Variants in RASL10B observed in about 807,000 individuals in gnomAD.
The protein encoded by RASL10B is ras-like protein family member 10B.
In RASL10B, 10 loss-of-function variants were observed where a neutral mutation model predicts 20.7. That is an observed-to-expected ratio of 0.48 (90% confidence interval 0.30 to 0.82). The LOEUF is 0.82. Ranked by LOEUF, RASL10B falls within the 40% of genes least tolerant of loss-of-function variation. RASL10B has a pLI of 0.07. For synonymous variants in RASL10B, 110 were observed against 123.3 expected, an observed-to-expected ratio of 0.89 and a Z score of 0.72; for missense variants, 231 against 295.4, an observed-to-expected ratio of 0.78 and a Z score of 1.60.
rs868908357 is a variant in RASL10B, at chr17:35,740,534, G to A, written c.341+1G>A. 6.2e-7 allele frequency: 1 copy of A among 1,613,168 alleles called. No individual in the cohort carries two copies. The highest frequency in any genetic ancestry group is 8.5e-7 in the Non-Finnish European group (1 of 1,179,596). On this transcript the variant is annotated splice_donor_variant, in intron 3 of 3. Coordinates refer to ENST00000603017, the MANE Select transcript of RASL10B (RefSeq NM_033315.4). LOFTEE classifies it high-confidence loss of function. ...TCCGCCAGCAGATCCTGGAGACGAGGTGAGAGGCTGGAACACAGTCCATTG... is the reference window on the plus strand; with the variant it reads ...TCCGCCAGCAGATCCTGGAGACGAGATGAGAGGCTGGAACACAGTCCATTG...
Position 35,735,516 on chromosome 17 carries a change from G to A in RASL10B, c.216+116G>A. Reference sequence around the variant, plus strand: ...GCCAGGGCCCCATCACTGAGTTTGGGAGCTCCACACTGCACCTTGGGCCAC... The same window carrying A: ...GCCAGGGCCCCATCACTGAGTTTGGAAGCTCCACACTGCACCTTGGGCCAC... On this transcript the variant is annotated intron_variant, in intron 2 of 3. Transcript: ENST00000603017. The surrounding 1 kb of genome is among the most constrained non-coding windows in gnomAD (Gnocchi z 6.7). 4.0e-6 allele frequency: 4 copies of A among 995,978 alleles called. No individual in the cohort carries two copies. Among genetic ancestry groups the A allele is most frequent in the Non-Finnish European group, 6.0e-6 (4 of 665,842 alleles). The allele number at this position is 995,978 out of a possible 1,614,324, so 61.7% of individuals were successfully genotyped here.
chr17:35,732,983 G>A (rs1422070708), intron 1 of RASL10B, among the ~76,000 whole-genome samples: 1 of 152,218 alleles, frequency 6.6e-6, no homozygotes, highest in Non-Finnish European at 1.5e-5. Flanking sequence ...GCCCATGTAA[G>A]TGTATAAACA....
Position 35,735,479 on chromosome 17 carries a change from T to G in RASL10B, c.216+79T>G, listed in dbSNP as rs761488786. On this transcript the variant is annotated intron_variant, in intron 2 of 3. Transcript: ENST00000603017. This position sits in a 1 kb window ranked among gnomAD's most constrained non-coding sequence, Gnocchi z 6.7. ...AGGCTGGATTCCAAACTGCTGTAGC[T>G]TGGGCCCTATTGCCAGGGCCCCATC... The G allele has an allele frequency of 2.1e-6, 3 of 1,416,466 alleles. No homozygotes were observed. The highest frequency in any genetic ancestry group is 2.0e-6 in the Non-Finnish European group (2 of 1,023,974). 87.7% of individuals were successfully genotyped at this position (1,416,466 alleles called of 1,614,324 possible). A position where few individuals can be genotyped will look rare whatever the true frequency, so the allele number is the denominator to read the frequency against.
chr17:35,735,202 GGTGGCC>G lies in RASL10B; in HGVS notation c.22_27del (p.Ala8_Val9del). On this transcript the variant is annotated inframe_deletion, in exon 2 of 4. Coordinates refer to ENST00000603017, the MANE Select transcript of RASL10B (RefSeq NM_033315.4). This position sits in a 1 kb window ranked among gnomAD's most constrained non-coding sequence, Gnocchi z 6.7. ...CGGGAGGCATGGTCTCCACCTACCG[GGTGGCC>G]GTGCTGGGGGCGCGAGGTGTGGGCA... 1 of 1,610,950 alleles carries G rather than the reference GGTGGCC, an allele frequency of 6.2e-7. No individual in the cohort carries two copies. Among genetic ancestry groups the G allele is most frequent in the South Asian group, 1.1e-5 (1 of 91,070 alleles).
chr17:35,735,189 T>G lies in RASL10B; in HGVS notation c.5T>G (p.Val2Gly). 1.9e-6 allele frequency: 3 copies of G among 1,609,052 alleles called. No individual in the cohort carries two copies. Among genetic ancestry groups the G allele is most frequent in the Non-Finnish European group, 2.5e-6 (3 of 1,179,220 alleles). Reference protein sequence around the residue: MVSTYRVAVLGA... With the variant: MGSTYRVAVLGA... ...TGGCGGAGTGGGGCGGGAGGCATGG[T>G]CTCCACCTACCGGGTGGCCGTGCTG... Residue 2 changes from valine (V) to glycine (G), a missense_variant, in exon 2 of 4, where the codon GTC becomes GGC. Physicochemically the swap from Val to Gly is moderately radical, Grantham distance 109. Transcript: ENST00000603017. The surrounding 1 kb of genome is among the most constrained non-coding windows in gnomAD (Gnocchi z 6.7).
chr17:35,742,989 C>G lies in RASL10B; in HGVS notation c.*1684C>G, dbSNP rs762289849. ...CCAAGTGGGGGGTAGCACAGCCTCA[C>G]AGCAACCGCCCTGACCTTGGGCAGT... On this transcript the variant is annotated 3_prime_UTR_variant, in exon 4 of 4. Coordinates refer to ENST00000603017, the MANE Select transcript of RASL10B (RefSeq NM_033315.4). The G allele has an allele frequency of 3.3e-5, 5 of 152,648 alleles. No individual in the cohort carries two copies. Among genetic ancestry groups the G allele is most frequent in the Non-Finnish European group, 7.3e-5 (5 of 68,068 alleles). The allele number at this position is 152,648 out of a possible 1,614,324, so 9.5% of individuals were successfully genotyped here.
At chr17:35,741,014 G>A in intron 3 of RASL10B, 21 bp from the exon 4 acceptor site, 1 of 1,570,978 alleles carries the variant, frequency 6.4e-7, no homozygotes, top group South Asian at 1.2e-5. Context: ...AGAGTTCTGA[G>A]CTGCCTGCCT....
chr17:35,741,148 A>T lies in RASL10B; in HGVS notation c.455A>T (p.Lys152Met). The T allele has an allele frequency of 3.1e-6, 5 of 1,613,540 alleles. No individual in the cohort carries two copies. The highest frequency in any genetic ancestry group is 4.2e-6 in the Non-Finnish European group (5 of 1,180,034). ...NVSHLVRKTW[K>M]CGYVECSAKY... ...TCGCACCTGGTACGCAAGACCTGGA[A>T]GTGCGGCTACGTGGAATGCTCGGCC... is the stretch of plus-strand genomic sequence containing the variant. The change falls in exon 4 of 4, where the codon AAG becomes ATG. Residue 152 changes from lysine to methionine, a missense_variant. Lys to Met is a moderately conservative substitution (Grantham distance 95). Coordinates refer to ENST00000603017, the MANE Select transcript of RASL10B (RefSeq NM_033315.4).
chr17:35,735,469 C>G lies in RASL10B; in HGVS notation c.216+69C>G, dbSNP rs2085585957. 29 of 1,509,866 alleles carry G rather than the reference C, an allele frequency of 1.9e-5. No individual in the cohort carries two copies. Among genetic ancestry groups the G allele is most frequent in the Non-Finnish European group, 2.1e-5 (23 of 1,098,088 alleles). The allele number at this position is 1,509,866 out of a possible 1,614,324, so 93.5% of individuals were successfully genotyped here. A position where few individuals can be genotyped will look rare whatever the true frequency, so the allele number is the denominator to read the frequency against. On this transcript the variant is annotated intron_variant, in intron 2 of 3. Transcript: ENST00000603017. This position sits in a 1 kb window ranked among gnomAD's most constrained non-coding sequence, Gnocchi z 6.7. ...GGTAGGGGAGAGGCTGGATTCCAAACTGCTGTAGCTTGGGCCCTATTGCCA... is the reference window on the plus strand; with the variant it reads ...GGTAGGGGAGAGGCTGGATTCCAAAGTGCTGTAGCTTGGGCCCTATTGCCA...
chr17:35,736,152 T>G (rs1203451826), intron 2 of RASL10B, among the ~76,000 whole-genome samples: 1 of 152,208 alleles, frequency 6.6e-6, no homozygotes, highest in Non-Finnish European at 1.5e-5. Flanking sequence ...CCTTCCCCAC[T>G]GCCTGCTGGA....
chr17:35,734,834 CAAG>C lies in RASL10B; in HGVS notation c.-147-201_-147-199del, dbSNP rs587722282. Among the ~76,000 whole-genome samples the C allele has an allele frequency of 2.8e-4, 43 of 152,116 alleles. No homozygotes were observed. The East Asian group carries it at 7.5e-3, about 27-fold the overall frequency. ...CCTGGAGAAAAGTCAAGTCATAAGT[CAAG>C]AAAGATTGGGCCCTACTACTGGAAT... On this transcript the variant is annotated intron_variant, in intron 1 of 3. Transcript: ENST00000603017.
intron 1 of RASL10B, among the ~76,000 whole-genome samples, chr17:35,733,928 C>T (rs942756061): frequency 6.6e-6 from 1 of 152,252 alleles, no homozygotes; most frequent in African/African-American, 2.4e-5. Flanking sequence ...TGCTATGTGC[C>T]AGGCCCTCTG....
chr17:35,737,549 T>G (rs587718298), intron 2 of RASL10B, among the ~76,000 whole-genome samples: 14 of 148,312 alleles, frequency 9.4e-5, no homozygotes, highest in African/African-American at 3.2e-4. Flanking sequence ...GTGGGATCAA[T>G]TACCGGAAAG....
In RASL10B at chr17:35,741,453, A is replaced by G. The variant is rs2085629013; in HGVS notation, c.*148A>G. The G allele has an allele frequency of 8.3e-7, 1 of 1,201,680 alleles. No individual in the cohort carries two copies. Among genetic ancestry groups the G allele is most frequent in the African/African-American group, 1.6e-5 (1 of 62,120 alleles). 74.4% of individuals were successfully genotyped at this position (1,201,680 alleles called of 1,614,324 possible). ...AGCCACGCACCTCCCGGTGAGAAGC[A>G]GAGCGCGAGAGGGAGCCCTCCGTAA... On this transcript the variant is annotated 3_prime_UTR_variant, in exon 4 of 4. Coordinates refer to ENST00000603017, the MANE Select transcript of RASL10B (RefSeq NM_033315.4).
At position 35,741,087 on chromosome 17, in the gene RASL10B, C is replaced by T. The variant is rs1358321514; in HGVS notation, c.394C>T (p.Leu132=). ...PIIIVGNKRD[L]QRGRVIPRWN... The stretch of plus-strand genomic sequence containing the variant: ...CATCATCGTGGGCAACAAGCGGGAC[C>T]TGCAGCGCGGACGCGTGATCCCGCG... The change falls in exon 4 of 4, where the codon CTG becomes TTG. Residue 132 remains leucine (L), a synonymous_variant. Coordinates refer to ENST00000603017, the MANE Select transcript of RASL10B (RefSeq NM_033315.4). The T allele has an allele frequency of 3.7e-6, 6 of 1,612,440 alleles. No homozygotes were observed. The highest frequency in any genetic ancestry group is 5.1e-6 in the Non-Finnish European group (6 of 1,179,278).
At chr17:35,734,908 C>T (rs1598388287) in intron 1 of RASL10B, 130 bp from the exon 2 acceptor site, 1 of 520,910 alleles carries the variant, frequency 1.9e-6, no homozygotes, top group East Asian at 3.1e-5. Context: ...GAAAGGCAGC[C>T]ACAGGGGTTC....
At chr17:35,740,792 C>T (rs2085624026) in intron 3 of RASL10B, among the ~76,000 whole-genome samples, 1 of 152,230 alleles carries the variant, frequency 6.6e-6, no homozygotes, top group South Asian at 2.1e-4. Context: ...GGCCACTCAG[C>T]TGCATGACTT....
At chr17:35,740,900 C>A in intron 3 of RASL10B, 135 bp from the exon 4 acceptor site, 1 of 706,276 alleles carries the variant, frequency 1.4e-6, no homozygotes, top group Non-Finnish European at 2.3e-6. Flanking sequence ...GAGAATATAA[C>A]ACCTCCAGGG....
chr17:35,738,354 A>G (rs1555597480), intron 2 of RASL10B, among the ~76,000 whole-genome samples: 1 of 152,160 alleles, frequency 6.6e-6, no homozygotes, highest in African/African-American at 2.4e-5. Flanking sequence ...CAAGGCACCA[A>G]AGATTAAGTA....
Sources: allele counts gnomAD v4.1 joint callset (sites outside exome capture counted in the v4.1 genomes callset), GRCh38; gene constraint gnomAD v4.1.1; non-coding constraint Gnocchi (gnomAD v3.1); transcripts MANE v1.5; gene names NCBI Gene and HGNC (gene_info 2026-07-23, HGNC 2026-07-21).